BTF3L4: variants seen among roughly 807,000 people sequenced by gnomAD.
BTF3L4 encodes basic transcription factor 3 like 4.
A neutral mutation model predicts 16.8 loss-of-function variants in BTF3L4; 6 were observed. That is an observed-to-expected ratio of 0.36 (90% CI 0.20 to 0.71). BTF3L4 has a LOEUF of 0.71. Among genes scored for constraint, BTF3L4 ranks in the 30% least tolerant of loss-of-function variants. BTF3L4 has a pLI of 0.58. For missense variants in BTF3L4, 92 were observed against 186.9 expected, an observed-to-expected ratio of 0.49 and a Z score of 2.96; for synonymous variants, 39 against 59.8, an observed-to-expected ratio of 0.65 and a Z score of 1.60.
At chr1:52,074,498 G>A (rs1335400434) in intron 3 of BTF3L4, among the ~76,000 whole-genome samples, 2 of 151,972 alleles carry the variant, frequency 1.3e-5, no homozygotes, top group Admixed American at 6.6e-5. Flanking sequence ...CGAGTAGCTG[G>A]GACTACAGGC....
intron 3 of BTF3L4, among the ~76,000 whole-genome samples, chr1:52,074,853 A>T (rs866024325): frequency 1.3e-5 from 2 of 151,900 alleles, no homozygotes; most frequent in African/African-American, 4.8e-5. Flanking sequence ...TAATTTTTAA[A>T]TTTTTTATTT....
intron 2 of BTF3L4, among the ~76,000 whole-genome samples, chr1:52,062,581 C>T (rs1235007943): frequency 6.6e-6 from 1 of 152,050 alleles, no homozygotes; most frequent in African/African-American, 2.4e-5. Context: ...TTCCATTATA[C>T]TTTTATATGC....
intron 3 of BTF3L4, among the ~76,000 whole-genome samples, chr1:52,071,837 G>A (rs1321669020): frequency 1.3e-5 from 2 of 151,584 alleles, no homozygotes; most frequent in Non-Finnish European, 2.9e-5. Context: ...AGAGTAAAAG[G>A]GAAGCACCAT....
intron 3 of BTF3L4, among the ~76,000 whole-genome samples, chr1:52,069,212 T>C (rs1265049656): frequency 6.6e-6 from 1 of 152,186 alleles, no homozygotes; most frequent in African/African-American, 2.4e-5. Context: ...TTTCTGAATA[T>C]TTGAACCGAA....
intron 4 of BTF3L4, 51 bp downstream of exon 4, chr1:52,083,592 C>A (rs746212891): frequency 1.4e-6 from 2 of 1,423,228 alleles, no homozygotes; most frequent in East Asian, 2.3e-5. Flanking sequence ...ACTTAAAGAA[C>A]CTAATCATTT....
At chr1:52,070,720 T>A (rs1407740918) in intron 3 of BTF3L4, among the ~76,000 whole-genome samples, 1 of 145,690 alleles carries the variant, frequency 6.9e-6, no homozygotes, top group Non-Finnish European at 1.5e-5. Flanking sequence ...CACTGCAACC[T>A]ACTGCCTCCT....
intron 2 of BTF3L4, among the ~76,000 whole-genome samples, chr1:52,061,975 C>T (rs554022741): frequency 9.6e-5 from 14 of 145,682 alleles, no homozygotes; most frequent in African/African-American, 3.1e-4. Context: ...CTCTCTCTGT[C>T]GCCCAGGCTG....
rs36119991 is a variant in BTF3L4, at chr1:52,086,621, A to AT, written c.431-85dup. On this transcript the variant is annotated intron_variant, in intron 5 of 5. Coordinates refer to ENST00000313334, the MANE Select transcript of BTF3L4 (RefSeq NM_152265.5). Reference sequence around the variant, plus strand: ...GGCTAATTCTGGTTGTACTAATTTTATTTTTTCGGGGGTTAGAAGTTAGGA... The same window carrying AT: ...GGCTAATTCTGGTTGTACTAATTTTATTTTTTTCGGGGGTTAGAAGTTAGGA... 140 of 739,710 alleles carry AT rather than the reference A, an allele frequency of 1.9e-4. No homozygotes were observed. In the African/African-American group the frequency reaches 2.3e-3, roughly 12 times the overall value. The allele number at this position is 739,710 out of a possible 1,614,324, so 45.8% of individuals were successfully genotyped here.
At chr1:52,082,270 A>G (rs911587647) in intron 3 of BTF3L4, among the ~76,000 whole-genome samples, 1 of 152,228 alleles carries the variant, frequency 6.6e-6, no homozygotes, top group African/African-American at 2.4e-5. Context: ...CAATGGATGA[A>G]ATCAAATCTG....
At chr1:52,082,610 CTCTCA>C (rs1379595044) in intron 3 of BTF3L4, among the ~76,000 whole-genome samples, 1 of 152,012 alleles carries the variant, frequency 6.6e-6, no homozygotes, top group Non-Finnish European at 1.5e-5. Flanking sequence ...TGGCATGTGC[CTCTCA>C]TCTCAGCTAC....
intron 2 of BTF3L4, chr1:52,060,313 C>T: frequency 2.9e-6 from 1 of 343,300 alleles, no homozygotes; most frequent in South Asian, 2.8e-5. Context: ...TGGTTAGACT[C>T]ACTTGCAGGG....
intron 3 of BTF3L4, among the ~76,000 whole-genome samples, chr1:52,076,045 G>T (rs1686924164): frequency 6.6e-6 from 1 of 152,154 alleles, no homozygotes; most frequent in Admixed American, 6.6e-5. Context: ...TTGTCAAATT[G>T]CTTTTCAGAA....
At chr1:52,066,029 A>C (rs1686638950) in intron 3 of BTF3L4, among the ~76,000 whole-genome samples, 1 of 152,018 alleles carries the variant, frequency 6.6e-6, no homozygotes, top group Non-Finnish European at 1.5e-5. Flanking sequence ...CAGAGTGAGC[A>C]TCCGTCTCAA....
At chr1:52,066,164 A>G (rs1686642483) in intron 3 of BTF3L4, among the ~76,000 whole-genome samples, 1 of 152,052 alleles carries the variant, frequency 6.6e-6, no homozygotes, top group Non-Finnish European at 1.5e-5. Context: ...TGATGTTACC[A>G]CCTAGATGCA....
At chr1:52,059,287 T>G (rs1686451424) in intron 1 of BTF3L4, among the ~76,000 whole-genome samples, 1 of 152,234 alleles carries the variant, frequency 6.6e-6, no homozygotes, top group African/African-American at 2.4e-5. Flanking sequence ...TGACCTTGAA[T>G]AGAGGACATG....
At chr1:52,069,264 C>A (rs1261712688) in intron 3 of BTF3L4, among the ~76,000 whole-genome samples, 2 of 151,956 alleles carry the variant, frequency 1.3e-5, no homozygotes, top group Non-Finnish European at 2.9e-5. Context: ...TTCCCTCTTT[C>A]TAAAATTGAT....
chr1:52,083,701 G>T (rs1051081987), intron 4 of BTF3L4, among the ~76,000 whole-genome samples, 160 bp downstream of exon 4: 3 of 152,058 alleles, frequency 2.0e-5, no homozygotes, highest in South Asian at 2.1e-4. Flanking sequence ...TTTGTTTAAT[G>T]ATTATGTAGT....
At chr1:52,082,471 A>G (rs1185278601) in intron 3 of BTF3L4, among the ~76,000 whole-genome samples, 1 of 152,190 alleles carries the variant, frequency 6.6e-6, no homozygotes, top group African/African-American at 2.4e-5. Flanking sequence ...GTGGTGGCTC[A>G]TGCCTGTAAT....
At chr1:52,071,414 T>C (rs373785969) in intron 3 of BTF3L4, 40 of 152,360 alleles carry the variant, frequency 2.6e-4, no homozygotes, top group African/African-American at 8.9e-4. Flanking sequence ...CATATCGTGG[T>C]GTATAATGGT....
Sources: gnomAD v4.1 joint callset for allele counts (sites outside exome capture counted in the v4.1 genomes callset) on GRCh38, gnomAD v4.1.1 for gene constraint, MANE v1.5 for transcripts, NCBI Gene and HGNC (gene_info 2026-07-23, HGNC 2026-07-21) for gene names.